The following TBL1X variants were observed in gnomAD, a reference collection of about 807,000 sequenced individuals.
The protein encoded by TBL1X is transducin beta like 1 X-linked.
A neutral mutation model predicts 50.7 loss-of-function variants in TBL1X; 10 were observed. That is an observed-to-expected ratio of 0.20 (90% CI 0.12 to 0.33). The LOEUF (loss-of-function observed/expected upper bound fraction) is 0.33, where lower values mean the gene tolerates loss of function less well. Ranked by LOEUF, TBL1X falls within the 10% of genes least tolerant of loss-of-function variation. The pLI, the probability that TBL1X is intolerant of heterozygous loss-of-function variation, is 1.00. For synonymous variants in TBL1X, 190 were observed against 214.7 expected (o/e 0.88, Z 1.01); for missense variants, 340 against 504.4 (o/e 0.67, Z 3.12).
At chrX:9,573,836 C>A (rs2082397362) in intron 2 of TBL1X, among the ~76,000 whole-genome samples, 1 of 112,913 alleles carries the variant, frequency 8.9e-6, no homozygotes, top group Non-Finnish European at 1.9e-5. Context: ...CCCAAGCATG[C>A]TTTAGGGGTC....
chrX:9,527,073 A>T (rs2082136403), intron 2 of TBL1X, among the ~76,000 whole-genome samples: 1 of 112,045 alleles, frequency 8.9e-6, no homozygotes, highest in African/African-American at 3.3e-5. Flanking sequence ...CGCACAGGGG[A>T]AAGGAGGATC....
At chrX:9,495,890 A>G (rs2081968692) in intron 1 of TBL1X, among the ~76,000 whole-genome samples, 1 of 85,365 alleles carries the variant, frequency 1.2e-5, no homozygotes. Context: ...CTCAGCTGGG[A>G]ACATGTGCAT....
chrX:9,523,373 G>A (rs1420226810), intron 2 of TBL1X, among the ~76,000 whole-genome samples: 1 of 111,735 alleles, frequency 8.9e-6, no homozygotes, highest in African/African-American at 3.3e-5. Flanking sequence ...GCCACAACCT[G>A]GGGTGCCCCT....
intron 13 of TBL1X, 116 bp downstream of exon 13, chrX:9,705,230 C>A: frequency 8.9e-7 from 1 of 1,127,172 alleles, no homozygotes; most frequent in Non-Finnish European, 1.2e-6. Flanking sequence ...TAATGTGCCC[C>A]TTGGCTATTT....
chrX:9,467,472 A>T (rs905163737), intron 1 of TBL1X, among the ~76,000 whole-genome samples: 1 of 112,104 alleles, frequency 8.9e-6, no homozygotes, highest in Non-Finnish European at 1.9e-5. Context: ...TGCTTTCCTG[A>T]TGCCTTGGAT....
intron 2 of TBL1X, among the ~76,000 whole-genome samples, chrX:9,567,217 T>C (rs893621565): frequency 4.5e-5 from 5 of 111,545 alleles, no homozygotes; most frequent in Non-Finnish European, 7.5e-5. Flanking sequence ...CCATGATCTT[T>C]CCAGGAGGTG....
At chrX:9,592,667 T>C (rs1013413114) in intron 2 of TBL1X, among the ~76,000 whole-genome samples, 1 of 111,855 alleles carries the variant, frequency 8.9e-6, no homozygotes, top group Non-Finnish European at 1.9e-5. Context: ...GTGACTTCTC[T>C]TTTTTCTCTT....
At chrX:9,660,919 C>A (rs1051942185) in intron 5 of TBL1X, among the ~76,000 whole-genome samples, 4 of 112,202 alleles carry the variant, frequency 3.6e-5, no homozygotes, top group Admixed American at 9.4e-5. Flanking sequence ...GGGGGTGGGG[C>A]CTTTAGGAGG....
At chrX:9,477,906 G>A (rs964667835) in intron 1 of TBL1X, among the ~76,000 whole-genome samples, 1 of 111,848 alleles carries the variant, frequency 8.9e-6, no homozygotes, top group East Asian at 2.8e-4. Context: ...GGATATTTTA[G>A]AGTTGTGCTT....
intron 2 of TBL1X, among the ~76,000 whole-genome samples, chrX:9,510,603 A>T (rs1419038969): frequency 8.9e-6 from 1 of 112,531 alleles, no homozygotes; most frequent in African/African-American, 3.2e-5. Context: ...TTTATGTGTC[A>T]TCTTGGCTAG....
chrX:9,709,487 A>G, intron 14 of TBL1X, 146 bp from the exon 15 acceptor site: 1 of 999,437 alleles, frequency 1.0e-6, no homozygotes, highest in Admixed American at 2.7e-5. Flanking sequence ...CCCACTGAGA[A>G]TCGCAGCCTC....
chrX:9,580,042 G>A (rs924737674), intron 2 of TBL1X, among the ~76,000 whole-genome samples: 1 of 112,199 alleles, frequency 8.9e-6, no homozygotes, highest in African/African-American at 3.2e-5. Context: ...TTTATTCTGA[G>A]CCAACTCTGA....
intron 2 of TBL1X, among the ~76,000 whole-genome samples, chrX:9,518,545 A>T (rs765269489): frequency 8.9e-6 from 1 of 112,071 alleles, no homozygotes; most frequent in South Asian, 3.7e-4. Context: ...TCAGTTATTT[A>T]TACCTCAGGA....
At position 9,586,922 on chromosome X, in the gene TBL1X, T is replaced by C. The variant is rs1289721626; in HGVS notation, c.-130-53351T>C. On this transcript the variant is annotated intron_variant, in intron 2 of 17. Transcript: ENST00000645353. ...CTCAAAAAAATAAATAAATAAAAGA[T>C]GGAGAGGAGCGTTACTTTTTTGTGT... is the stretch of plus-strand genomic sequence containing the variant. Among the ~76,000 whole-genome samples the C allele has an allele frequency of 2.7e-5, 3 of 111,582 alleles. No homozygotes were observed. The East Asian group carries it at 8.4e-4, about 31-fold the overall frequency.
At chrX:9,619,548 A>C (rs2082656113) in intron 2 of TBL1X, among the ~76,000 whole-genome samples, 1 of 112,346 alleles carries the variant, frequency 8.9e-6, no homozygotes, top group Non-Finnish European at 1.9e-5. Context: ...CCTCAAGTAA[A>C]AACTGATTCA....
chrX:9,627,024 A>G (rs1426796982), intron 2 of TBL1X, among the ~76,000 whole-genome samples: 2 of 112,366 alleles, frequency 1.8e-5, no homozygotes, highest in Non-Finnish European at 3.8e-5. Flanking sequence ...TTATATTAGG[A>G]ATATTGTTGC....
intron 3 of TBL1X, among the ~76,000 whole-genome samples, chrX:9,645,645 A>G (rs754860674): frequency 3.6e-5 from 4 of 112,571 alleles, no homozygotes; most frequent in Non-Finnish European, 7.5e-5. Flanking sequence ...AAGTAAATAA[A>G]TATAACCGTA....
In TBL1X at chrX:9,652,349, T is replaced by C. The variant is rs745716173; in HGVS notation, c.-42-1196T>C. Among the ~76,000 whole-genome samples the C allele has an allele frequency of 3.7e-3, 410 of 112,206 alleles. 1 individual carries two copies. The highest frequency in any genetic ancestry group is 6.1e-3 in the Non-Finnish European group (327 of 53,178). On this transcript the variant is annotated intron_variant, in intron 3 of 17. Coordinates refer to ENST00000645353, the MANE Select transcript of TBL1X (RefSeq NM_005647.4). ...TCGGGAGTATACCAGGGCAGGACTT[T>C]GTGGGGGTAAGGTATGTCCCTGGCA... is the stretch of plus-strand genomic sequence containing the variant.
chrX:9,693,524 C>A, intron 11 of TBL1X, 105 bp downstream of exon 11: 1 of 762,677 alleles, frequency 1.3e-6, no homozygotes, highest in Non-Finnish European at 1.9e-6. Flanking sequence ...TTTGTGCTTC[C>A]CCTTAAGAAA....
Sources: allele counts gnomAD v4.1 joint callset (sites outside exome capture counted in the v4.1 genomes callset), GRCh38; gene constraint gnomAD v4.1.1; transcripts MANE v1.5; gene names NCBI Gene and HGNC (gene_info 2026-07-23, HGNC 2026-07-21).